The following RP1 variants were observed in gnomAD, a reference collection of about 807,000 sequenced individuals.
The protein encoded by RP1 is oxygen-regulated protein 1.
RP1 carries 16 observed loss-of-function variants against 14.8 expected under a neutral mutation model. That is an observed-to-expected ratio of 1.08 (90% CI 0.73 to 1.65). The LOEUF (loss-of-function observed/expected upper bound fraction) is 1.65. RP1 is among the 40% of genes most tolerant of loss of function. The probability of loss-of-function intolerance (pLI) is 0.00; values close to 1 mark genes in which losing one functional copy is unlikely to be tolerated. For missense variants in RP1, 2,631 were observed against 2,535.0 expected (o/e 1.04, Z -0.81); for synonymous variants, 876 against 883.6 (o/e 0.99, Z 0.15).
intron 25 of RP1, among the ~76,000 whole-genome samples, chr8:54,839,975 C>T (rs949284493): frequency 2.6e-5 from 4 of 152,074 alleles, no homozygotes; most frequent in Admixed American, 2.6e-4. Context: ...GTTCTGCAGT[C>T]ATGTGAAGGT....
In RP1 at chr8:54,630,209, C is replaced by T. The variant is rs1371811798; in HGVS notation, c.6327C>T (p.Cys2109=). Residue 2109 remains cysteine (C), a synonymous_variant, in exon 4 of 4, where the codon TGC becomes TGT. Transcript: ENST00000220676. ...MLGQACLLDI[C]QVETSLNISN... The stretch of plus-strand genomic sequence containing the variant: ...GTCAAGCTTGCCTCTTAGATATTTG[C>T]CAAGTTGAGACCTCCTTAAATATTA... The T allele has an allele frequency of 6.2e-7, 1 of 1,613,568 alleles. No homozygotes were observed. The highest frequency in any genetic ancestry group is 8.5e-7 in the Non-Finnish European group (1 of 1,179,914).
In RP1 at chr8:54,776,841, G is replaced by C. The variant is rs144577343; in HGVS notation, c.3451+6674G>C. 2.0e-4 allele frequency among the ~76,000 whole-genome samples: 30 copies of C among 152,296 alleles called. No homozygotes were observed. The South Asian group carries it at 2.7e-3, about 14-fold the overall frequency. On this transcript the variant is annotated intron_variant, in intron 23 of 28. Transcript: ENST00000637698. ...TCCCTGTTAAGGGTCAAGATTTGAGGTGGAGTTGAATGTACTAAATAGGCA... is the reference window on the plus strand; with the variant it reads ...TCCCTGTTAAGGGTCAAGATTTGAGCTGGAGTTGAATGTACTAAATAGGCA...
At chr8:54,750,860 G>T (rs116260433) in intron 19 of RP1, among the ~76,000 whole-genome samples, 277 of 152,314 alleles carry the variant, frequency 1.8e-3, no homozygotes, top group African/African-American at 6.0e-3. Flanking sequence ...AAAGCCAATT[G>T]CAGGGAGGAT....
At chr8:54,608,183 CTTT>C (rs772485466) in intron 1 of RP1, among the ~76,000 whole-genome samples, 3 of 136,864 alleles carry the variant, frequency 2.2e-5, no homozygotes, top group Admixed American at 7.3e-5. Context: ...GGCCATCTGC[CTTT>C]TTTTTTTTTT....
At chr8:54,776,955 G>C (rs1810055830) in intron 23 of RP1, among the ~76,000 whole-genome samples, 1 of 152,186 alleles carries the variant, frequency 6.6e-6, no homozygotes, top group African/African-American at 2.4e-5. Context: ...TGAGTGCTCT[G>C]GTTAGCAGTG....
intron 1 of RP1, among the ~76,000 whole-genome samples, chr8:54,602,087 C>G (rs1585540774): frequency 6.6e-6 from 1 of 152,170 alleles, no homozygotes; most frequent in African/African-American, 2.4e-5. Context: ...GCACAACGTG[C>G]AGGTTTGTTA....
intron 25 of RP1, among the ~76,000 whole-genome samples, chr8:54,848,305 TAAG>T (rs1440962672): frequency 6.6e-6 from 1 of 152,192 alleles, no homozygotes; most frequent in Non-Finnish European, 1.5e-5. Flanking sequence ...CCTTGGCTTC[TAAG>T]GAGTGCCTCC....
At chr8:54,748,901 G>T (rs912236927) in intron 19 of RP1, among the ~76,000 whole-genome samples, 1 of 151,920 alleles carries the variant, frequency 6.6e-6, no homozygotes. Flanking sequence ...ATTTCTAAAA[G>T]GATTTTTTTC....
chr8:54,563,234 G>A (rs1804325559), intron 1 of RP1, among the ~76,000 whole-genome samples: 1 of 152,208 alleles, frequency 6.6e-6, no homozygotes, highest in African/African-American at 2.4e-5. Flanking sequence ...CTGAGATTGG[G>A]AACAGGCTGA....
At chr8:54,599,538 A>G (rs1031447778) in intron 1 of RP1, among the ~76,000 whole-genome samples, 1 of 151,790 alleles carries the variant, frequency 6.6e-6, no homozygotes, top group Non-Finnish European at 1.5e-5. Flanking sequence ...GGCTCACTGC[A>G]ACCTCTGTCT....
intron 19 of RP1, among the ~76,000 whole-genome samples, chr8:54,747,663 G>C (rs1299297771): frequency 6.6e-6 from 1 of 152,216 alleles, no homozygotes; most frequent in Non-Finnish European, 1.5e-5. Context: ...CACTTTGGGA[G>C]CCCAAGGCCA....
At position 54,670,669 on chromosome 8, in the gene RP1, TTTTATATATA is replaced by T. The variant is rs1225021033; in HGVS notation, c.1324-3179_1324-3170del. Among the ~76,000 whole-genome samples, 306 of 63,538 alleles carry T rather than the reference TTTTATATATA, an allele frequency of 4.8e-3. 10 individuals carry two copies. The highest frequency in any genetic ancestry group is 0.022 in the African/African-American group (258 of 11,900). The allele number at this position is 63,538 out of a possible 152,430, so 41.7% of individuals were successfully genotyped here. On this transcript the variant is annotated intron_variant, in intron 7 of 22. Transcript: ENST00000636932. ...ATATATTTATGAATAATATATATGT[TTTTATATATA>T]TATATATATATATATATATATATAT...
chr8:54,868,079 T>C (rs958096854), intron 28 of RP1, among the ~76,000 whole-genome samples: 1 of 152,196 alleles, frequency 6.6e-6, no homozygotes, highest in Admixed American at 6.5e-5. Flanking sequence ...AATATAAGAT[T>C]ATTATTTTTC....
chr8:54,762,778 A>G (rs1254927711), intron 22 of RP1, among the ~76,000 whole-genome samples: 1 of 152,128 alleles, frequency 6.6e-6, no homozygotes, highest in Non-Finnish European at 1.5e-5. Flanking sequence ...ACTGTCTCGG[A>G]AGGCCTGGGA....
chr8:54,580,615 T>TTTTA (rs747679666), intron 1 of RP1, among the ~76,000 whole-genome samples: 4 of 143,280 alleles, frequency 2.8e-5, no homozygotes, highest in East Asian at 2.1e-4. Flanking sequence ...AATGTAGATA[T>TTTTA]TTTATTTATT....
At chr8:54,768,051 G>C (rs1379658372) in intron 22 of RP1, among the ~76,000 whole-genome samples, 1 of 152,164 alleles carries the variant, frequency 6.6e-6, no homozygotes, top group Non-Finnish European at 1.5e-5. Context: ...AGACTCTTAA[G>C]TTCCTTGACA....
intron 27 of RP1, among the ~76,000 whole-genome samples, chr8:54,858,531 A>G (rs756501818): frequency 3.3e-5 from 5 of 152,000 alleles, no homozygotes; most frequent in Admixed American, 1.3e-4. Context: ...ACTGCAGAGC[A>G]CTGTCACTGT....
Position 54,636,429 on chromosome 8 carries a change from G to C in RP1, c.788-12556G>C, listed in dbSNP as rs1019302112. On this transcript the variant is annotated intron_variant, in intron 3 of 22. Coordinates refer to the RP1 transcript ENST00000636932. ...AAAAACCTCAAGACCAAATTAGAAA[G>C]AAACCATCATAAAAATCACAACAGT... Among the ~76,000 whole-genome samples, 9 of 152,328 alleles carry C rather than the reference G, an allele frequency of 5.9e-5. No homozygotes were observed. The East Asian group carries it at 9.7e-4, about 16-fold the overall frequency.
intron 13 of RP1, among the ~76,000 whole-genome samples, chr8:54,700,059 A>T (rs957848899): frequency 6.6e-6 from 1 of 152,136 alleles, no homozygotes; most frequent in Non-Finnish European, 1.5e-5. Context: ...ATAATCCATT[A>T]TTATTTGTAT....
Sources: gnomAD v4.1 joint callset for allele counts (sites outside exome capture counted in the v4.1 genomes callset) on GRCh38, gnomAD v4.1.1 for gene constraint, MANE v1.5 for transcripts, NCBI Gene and HGNC (gene_info 2026-07-23, HGNC 2026-07-21) for gene names.